SLC24A4: variants seen among roughly 807,000 people sequenced by gnomAD.
SLC24A4 encodes the protein solute carrier family 24 member 4, also known as sodium/potassium/calcium exchanger 4.
SLC24A4 carries 53 observed loss-of-function variants against 79.0 expected under a neutral mutation model. That is an observed-to-expected ratio of 0.67 (90% CI 0.54 to 0.84). The LOEUF (loss-of-function observed/expected upper bound fraction) is 0.84. Ranked by LOEUF, SLC24A4 falls within the 40% of genes least tolerant of loss-of-function variation. The pLI, the probability that SLC24A4 is intolerant of heterozygous loss-of-function variation, is 0.00. For synonymous variants in SLC24A4, 323 were observed against 323.8 expected, an observed-to-expected ratio of 1.00 and a Z score of 0.03; for missense variants, 731 against 822.0, an observed-to-expected ratio of 0.89 and a Z score of 1.35.
rs1595206480 is a variant in SLC24A4, at chr14:92,390,625, G to A, written c.242-43287G>A. Among the ~76,000 whole-genome samples the A allele has an allele frequency of 2.6e-5, 4 of 152,212 alleles. No homozygotes were observed. In the South Asian group the frequency reaches 6.2e-4, roughly 24 times the overall value. On this transcript the variant is annotated intron_variant, in intron 2 of 16. Coordinates refer to ENST00000532405, the MANE Select transcript of SLC24A4 (RefSeq NM_153646.4). ...TGACTGTACTCTGTCCCCTGCCCCA[G>A]AATGGGCGGGGGCTCCTCCACCAAC...
chr14:92,439,304 C>A (rs146776635), intron 3 of SLC24A4, 31 bp from the exon 4 acceptor site: 4 of 1,595,164 alleles, frequency 2.5e-6, no homozygotes, highest in Non-Finnish European at 3.4e-6. Flanking sequence ...GGACCCTCAC[C>A]GACCCTGCCT....
At chr14:92,373,896 G>A (rs1056821938) in intron 2 of SLC24A4, among the ~76,000 whole-genome samples, 9 of 152,090 alleles carry the variant, frequency 5.9e-5, no homozygotes, top group African/African-American at 2.2e-4. Context: ...TCAACTTGTG[G>A]CCAGTCCTCT....
chr14:92,448,960 C>A, intron 9 of SLC24A4, 114 bp from the exon 10 acceptor site: 1 of 1,284,556 alleles, frequency 7.8e-7, no homozygotes, highest in Non-Finnish European at 1.1e-6. Flanking sequence ...CCCCTGCCAC[C>A]CACCACTCCT....
Position 92,474,820 on chromosome 14 carries a change from TAC to T in SLC24A4, c.1256-7858_1256-7857del, listed in dbSNP as rs1566795450. ...ATATATATACATATATACATATATATACATATATATGTGTGTGTGTGTGTATA... is the reference window on the plus strand; with the variant it reads ...ATATATATACATATATACATATATATATATATATGTGTGTGTGTGTGTATA... On this transcript the variant is annotated intron_variant, in intron 12 of 16. Coordinates refer to ENST00000532405, the MANE Select transcript of SLC24A4 (RefSeq NM_153646.4). Among the ~76,000 whole-genome samples, 18 of 51,156 alleles carry T rather than the reference TAC, an allele frequency of 3.5e-4. 1 individual carries two copies. The highest frequency in any genetic ancestry group is 1.3e-3 in the Admixed American group (5 of 3,876). The allele number at this position is 51,156 out of a possible 152,430, so 33.6% of individuals were successfully genotyped here.
chr14:92,355,203 G>T (rs1190283382), intron 2 of SLC24A4, among the ~76,000 whole-genome samples: 2 of 152,210 alleles, frequency 1.3e-5, no homozygotes, highest in Non-Finnish European at 2.9e-5. Context: ...GCCTCAATTC[G>T]CTGAGAGGTG....
chr14:92,349,104 G>A (rs1886716229), intron 2 of SLC24A4, among the ~76,000 whole-genome samples: 1 of 151,356 alleles, frequency 6.6e-6, no homozygotes, highest in Non-Finnish European at 1.5e-5. Flanking sequence ...CCTGTGTAAG[G>A]ATTGCTGTTG....
At chr14:92,460,085 G>A (rs1893712797) in intron 12 of SLC24A4, among the ~76,000 whole-genome samples, 2 of 152,206 alleles carry the variant, frequency 1.3e-5, no homozygotes, top group African/African-American at 4.8e-5. Flanking sequence ...CTCGGAACCA[G>A]CATAGCTTCG....
chr14:92,442,077 C>T lies in SLC24A4; in HGVS notation c.394-12C>T. On this transcript the variant is annotated splice_polypyrimidine_tract_variant and intron_variant, in intron 4 of 16. Transcript: ENST00000532405. Reference sequence around the variant, plus strand: ...GTCACACCCTGAGGGTCTGTGGTCACTTCCGTTTCAGAGACTCCATCTGAG... The same window carrying T: ...GTCACACCCTGAGGGTCTGTGGTCATTTCCGTTTCAGAGACTCCATCTGAG... The T allele has an allele frequency of 6.2e-7, 1 of 1,612,378 alleles. No individual in the cohort carries two copies. The highest frequency in any genetic ancestry group is 8.5e-7 in the Non-Finnish European group (1 of 1,178,644).
chr14:92,333,601 G>A (rs1347772238), intron 2 of SLC24A4, among the ~76,000 whole-genome samples: 1 of 152,190 alleles, frequency 6.6e-6, no homozygotes, highest in Non-Finnish European at 1.5e-5. Flanking sequence ...CTTCTGAGAT[G>A]CCTGAGCTGT....
chr14:92,428,188 A>G (rs926763536), intron 2 of SLC24A4, among the ~76,000 whole-genome samples: 2 of 152,268 alleles, frequency 1.3e-5, no homozygotes, highest in Admixed American at 6.5e-5. Context: ...GGAAGGGGAC[A>G]TGATTGCCAG....
In SLC24A4 at chr14:92,398,920, G is replaced by A. The variant is rs59506823; in HGVS notation, c.242-34992G>A. On this transcript the variant is annotated intron_variant, in intron 2 of 16. Transcript: ENST00000532405. This position sits in a 1 kb window ranked among gnomAD's most constrained non-coding sequence, Gnocchi z 4.1. ...TTGGATCTTCAAGGACAAGGACCGT[G>A]TTGGTTTAAATCTGATGACACACTC... Among the ~76,000 whole-genome samples the A allele has an allele frequency of 0.028, 4,242 of 152,280 alleles. 187 individuals are homozygous for A. Among genetic ancestry groups the A allele is most frequent in the East Asian group, 0.18 (930 of 5,174 alleles).
rs960682517 is a variant in SLC24A4 at position 92,326,615 on chromosome 14, G to A, written c.241+637G>A. On this transcript the variant is annotated intron_variant, in intron 2 of 16. Transcript: ENST00000532405. ...CCACAGACAGGCTTTGCTTAAATGAGTGAAGAAGATTATCAGGAGAAGACA... is the reference window on the plus strand; with the variant it reads ...CCACAGACAGGCTTTGCTTAAATGAATGAAGAAGATTATCAGGAGAAGACA... Among the ~76,000 whole-genome samples, 7 of 152,322 alleles carry A rather than the reference G, an allele frequency of 4.6e-5. No homozygotes were observed. In the South Asian group the frequency reaches 1.5e-3, roughly 32 times the overall value.
At chr14:92,349,068 C>T (rs1217991824) in intron 2 of SLC24A4, among the ~76,000 whole-genome samples, 1 of 151,930 alleles carries the variant, frequency 6.6e-6, no homozygotes, top group Non-Finnish European at 1.5e-5. Context: ...GGGATAACCC[C>T]CCTCTTCCAG....
At chr14:92,413,269 C>G (rs1380331535) in intron 2 of SLC24A4, among the ~76,000 whole-genome samples, 1 of 152,072 alleles carries the variant, frequency 6.6e-6, no homozygotes, top group Non-Finnish European at 1.5e-5. Flanking sequence ...TCCAGTCTTC[C>G]CATTGCGGCC....
intron 12 of SLC24A4, among the ~76,000 whole-genome samples, chr14:92,457,743 T>C (rs10133264): frequency 0.77 from 117,645 of 152,202 alleles, 46,017 homozygotes; most frequent in African/African-American, 0.88. Context: ...AGGCGTTTTT[T>C]CTGATGTCCA....
chr14:92,414,386 G>A (rs534313025), intron 2 of SLC24A4, among the ~76,000 whole-genome samples: 1 of 152,148 alleles, frequency 6.6e-6, no homozygotes, highest in Non-Finnish European at 1.5e-5. Flanking sequence ...ACTACCTGTG[G>A]TGAAAGACTT....
At chr14:92,351,086 G>T (rs11624872) in intron 2 of SLC24A4, among the ~76,000 whole-genome samples, 14,879 of 152,172 alleles carry the variant, frequency 0.098, 920 homozygotes, top group Admixed American at 0.14. Flanking sequence ...AATTTCTGTT[G>T]TTCATAAGCC....
intron 9 of SLC24A4, among the ~76,000 whole-genome samples, chr14:92,448,086 G>T (rs1244656251): frequency 1.3e-5 from 2 of 152,206 alleles, no homozygotes; most frequent in Non-Finnish European, 2.9e-5. Context: ...ACTATTGTCT[G>T]ATTGCACTTA....
At chr14:92,388,910 G>A (rs1889315691) in intron 2 of SLC24A4, among the ~76,000 whole-genome samples, 1 of 152,214 alleles carries the variant, frequency 6.6e-6, no homozygotes, top group South Asian at 2.1e-4. Context: ...GAGGGCCTCT[G>A]GGGCCCTAGA....
Sources: allele counts gnomAD v4.1 joint callset (sites outside exome capture counted in the v4.1 genomes callset), GRCh38; gene constraint gnomAD v4.1.1; non-coding constraint Gnocchi (gnomAD v3.1); transcripts MANE v1.5; gene names NCBI Gene and HGNC (gene_info 2026-07-23, HGNC 2026-07-21).